TASP1: variants seen among roughly 807,000 people sequenced by gnomAD.
TASP1 encodes the protein threonine aspartase 1.
In TASP1, 16 loss-of-function variants were observed where a neutral mutation model predicts 56.6. That is an observed-to-expected ratio of 0.28 (90% confidence interval 0.19 to 0.43). The LOEUF (loss-of-function observed/expected upper bound fraction) is 0.43, where lower values mean the gene tolerates loss of function less well. Ranked by LOEUF, TASP1 falls within the 20% of genes least tolerant of loss-of-function variation. The pLI is 1.00. For synonymous variants in TASP1, 179 were observed against 184.2 expected, an observed-to-expected ratio of 0.97 and a Z score of 0.23; for missense variants, 393 against 511.6, an observed-to-expected ratio of 0.77 and a Z score of 2.24.
chr20:13,478,527 A>G (rs2043022835), intron 11 of TASP1, among the ~76,000 whole-genome samples: 1 of 152,166 alleles, frequency 6.6e-6, no homozygotes, highest in African/African-American at 2.4e-5. Context: ...TAATGTGTAC[A>G]CATGGACATA....
chr20:13,599,730 T>C (rs748578316), intron 4 of TASP1, among the ~76,000 whole-genome samples: 2 of 150,056 alleles, frequency 1.3e-5, no homozygotes, highest in African/African-American at 2.5e-5. Context: ...GAAAAAACCA[T>C]ATGATCATCT....
At chr20:13,372,213 C>G in the TASP1 span, among the ~76,000 whole-genome samples, 1 of 152,130 alleles carries the variant, frequency 6.6e-6, no homozygotes, top group Non-Finnish European at 1.5e-5. Context: ...TCAGTGAACA[C>G]TGAGTAAAGC....
chr20:13,298,775 G>C, the TASP1 span, among the ~76,000 whole-genome samples: 1 of 152,158 alleles, frequency 6.6e-6, no homozygotes, highest in African/African-American at 2.4e-5. Flanking sequence ...CCAGGGGGCT[G>C]CAGGGGTGTC....
intron 8 of TASP1, among the ~76,000 whole-genome samples, chr20:13,545,046 C>T (rs941421746): frequency 2.6e-5 from 4 of 152,098 alleles, no homozygotes; most frequent in East Asian, 1.9e-4. Flanking sequence ...TTTTTAAGTA[C>T]AGCGTATCTA....
At chr20:13,506,421 C>T (rs147409973) in intron 10 of TASP1, among the ~76,000 whole-genome samples, 1 of 152,132 alleles carries the variant, frequency 6.6e-6, no homozygotes, top group South Asian at 2.1e-4. Flanking sequence ...CATACCAAAG[C>T]TAAGCAAAGG....
chr20:13,201,488 T>C, the TASP1 span, among the ~76,000 whole-genome samples: 1 of 152,084 alleles, frequency 6.6e-6, no homozygotes, highest in African/African-American at 2.4e-5. Flanking sequence ...CTATCTGTAT[T>C]ATCACAAATC....
the TASP1 span, among the ~76,000 whole-genome samples, chr20:13,378,264 T>C: frequency 6.6e-6 from 1 of 152,138 alleles, no homozygotes; most frequent in Non-Finnish European, 1.5e-5. Flanking sequence ...AGAGATTCTG[T>C]TACATTGTGT....
chr20:13,203,255 T>C, the TASP1 span, among the ~76,000 whole-genome samples: 1 of 152,168 alleles, frequency 6.6e-6, no homozygotes, highest in Non-Finnish European at 1.5e-5. Context: ...TATAAGGAGC[T>C]AGTATTATTA....
At chr20:13,357,907 C>T in the TASP1 span, among the ~76,000 whole-genome samples, 6 of 152,354 alleles carry the variant, frequency 3.9e-5, no homozygotes, top group South Asian at 2.1e-4. Context: ...CAAGCCAAGC[C>T]ATCGCATCCC....
chr20:13,593,780 C>T (rs910571953), intron 4 of TASP1, among the ~76,000 whole-genome samples: 1 of 152,238 alleles, frequency 6.6e-6, no homozygotes. Context: ...GAGGGCATAG[C>T]TGAACAAAAG....
intron 11 of TASP1, among the ~76,000 whole-genome samples, chr20:13,439,922 A>G (rs2043156756): frequency 6.6e-6 from 1 of 152,160 alleles, no homozygotes; most frequent in Non-Finnish European, 1.5e-5. Context: ...TGAGTGTTCA[A>G]ACTGAAAAGG....
chr20:13,496,014 T>C (rs1167959873), intron 10 of TASP1, among the ~76,000 whole-genome samples: 1 of 152,136 alleles, frequency 6.6e-6, no homozygotes, highest in Non-Finnish European at 1.5e-5. Flanking sequence ...TATAAGCGTA[T>C]GGTTTTAAAC....
chr20:13,220,490 G>A, the TASP1 span, among the ~76,000 whole-genome samples: 2 of 152,220 alleles, frequency 1.3e-5, no homozygotes, highest in South Asian at 2.1e-4. Context: ...TCTGGGCGCG[G>A]CACCCCCGGG....
the TASP1 span, among the ~76,000 whole-genome samples, chr20:13,375,016 C>A: frequency 5.3e-5 from 8 of 152,136 alleles, no homozygotes; most frequent in Admixed American, 5.2e-4. Flanking sequence ...GGAAAATGCC[C>A]TCTGATATAA....
intron 1 of TASP1, among the ~76,000 whole-genome samples, chr20:13,632,230 C>T (rs768178320): frequency 1.3e-5 from 2 of 150,694 alleles, no homozygotes; most frequent in East Asian, 2.0e-4. Flanking sequence ...CATGGTGGCG[C>T]GTTCCTGTAA....
intron 4 of TASP1, among the ~76,000 whole-genome samples, chr20:13,618,963 G>A (rs552072656): frequency 1.3e-5 from 2 of 151,958 alleles, no homozygotes; most frequent in East Asian, 3.9e-4. Flanking sequence ...CTGCCTCCTG[G>A]GTCCTGGTTC....
chr20:13,155,694 T>TG, the TASP1 span, among the ~76,000 whole-genome samples: 4,108 of 152,004 alleles, frequency 0.027, 74 homozygotes, highest in African/African-American at 0.032. Flanking sequence ...GGCGTGGTGG[T>TG]GGGTGCCTGT....
intron 4 of TASP1, among the ~76,000 whole-genome samples, chr20:13,589,662 G>A (rs531667834): frequency 1.3e-5 from 2 of 151,472 alleles, no homozygotes; most frequent in African/African-American, 4.8e-5. Context: ...AGAAAATAGG[G>A]GGAAAAAAAC....
rs570151327 is a variant in TASP1 at position 13,569,448 on chromosome 20, A to G, written c.568+59T>C. ...TACTACATGGGTCATAACAGAAGCA[A>G]TATTATACTTTAGGTATATATGCTC... On this transcript the variant is annotated intron_variant, in intron 7 of 13. Coordinates refer to ENST00000337743, the MANE Select transcript of TASP1 (RefSeq NM_017714.3). The G allele has an allele frequency of 5.4e-5, 71 of 1,311,046 alleles. 2 individuals are homozygous for G. In the South Asian group the frequency reaches 8.6e-4, roughly 16 times the overall value. The allele number at this position is 1,311,046 out of a possible 1,614,324, so 81.2% of individuals were successfully genotyped here. A position where few individuals can be genotyped will look rare whatever the true frequency, so the allele number is the denominator to read the frequency against.
Sources: gnomAD v4.1 joint callset for allele counts (sites outside exome capture counted in the v4.1 genomes callset) on GRCh38, gnomAD v4.1.1 for gene constraint, MANE v1.5 for transcripts, NCBI Gene and HGNC (gene_info 2026-07-23, HGNC 2026-07-21) for gene names.